The following PTPRN2 variants were observed in gnomAD, a reference collection of about 807,000 sequenced individuals.
The protein encoded by PTPRN2 is protein tyrosine phosphatase receptor type N2.
PTPRN2 carries 74 observed loss-of-function variants against 118.8 expected under a neutral mutation model. The observed-to-expected ratio is 0.62, with a 90% CI of 0.52 to 0.76. The LOEUF is 0.76. Ranked by LOEUF, PTPRN2 falls within the 30% of genes least tolerant of loss-of-function variation. The pLI, the probability that PTPRN2 is intolerant of heterozygous loss-of-function variation, is 0.00. For missense variants in PTPRN2, 1,481 were observed against 1,394.4 expected (o/e 1.06, Z -0.99); for synonymous variants, 641 against 608.0 (o/e 1.05, Z -0.80).
At chr7:158,149,838 C>G (rs1370463381) in intron 6 of PTPRN2, among the ~76,000 whole-genome samples, 3 of 151,066 alleles carry the variant, frequency 2.0e-5, no homozygotes, top group African/African-American at 7.3e-5. Flanking sequence ...AGTGATGTCT[C>G]TTGAAAAAAC....
chr7:158,111,843 C>A (rs1816305666), intron 9 of PTPRN2, among the ~76,000 whole-genome samples: 1 of 152,138 alleles, frequency 6.6e-6, no homozygotes, highest in Admixed American at 6.5e-5. Context: ...AATCCTAAAA[C>A]CCAAATAATG....
chr7:158,532,758 T>G (rs769523925), intron 1 of PTPRN2: 1 of 534,662 alleles, frequency 1.9e-6, no homozygotes, highest in African/African-American at 1.9e-5. Flanking sequence ...CACTTCAACC[T>G]GTTCCTTACA....
intron 11 of PTPRN2, among the ~76,000 whole-genome samples, chr7:157,922,957 C>G (rs1798769877): frequency 6.6e-6 from 1 of 152,250 alleles, no homozygotes; most frequent in Non-Finnish European, 1.5e-5. Flanking sequence ...CTTCCACTGT[C>G]TCCTACCACT....
chr7:157,608,748 G>A (rs548652727), intron 15 of PTPRN2, among the ~76,000 whole-genome samples: 7 of 152,158 alleles, frequency 4.6e-5, no homozygotes, highest in East Asian at 1.9e-4. Context: ...AGGCCCACGC[G>A]CAATCAGCCC....
intron 12 of PTPRN2, among the ~76,000 whole-genome samples, chr7:157,736,306 C>A (rs1476577714): frequency 6.6e-6 from 1 of 152,168 alleles, no homozygotes; most frequent in Non-Finnish European, 1.5e-5. Flanking sequence ...TGAATTGTGA[C>A]CCCCCAAATC....
intron 3 of PTPRN2, among the ~76,000 whole-genome samples, chr7:158,286,587 T>A (rs1249032623): frequency 1.8e-4 from 27 of 152,210 alleles, no homozygotes; most frequent in Admixed American, 1.8e-3. Context: ...TTTTGTTGTA[T>A]GTTTTTTATA....
rs78489297 is a variant in PTPRN2 at position 158,479,859 on chromosome 7, G to A, written c.163+9876C>T. Among the ~76,000 whole-genome samples, 727 of 152,372 alleles carry A rather than the reference G, an allele frequency of 4.8e-3. 5 individuals are homozygous for A. The highest frequency in any genetic ancestry group is 0.016 in the African/African-American group (682 of 41,598). The stretch of plus-strand genomic sequence containing the variant: ...GGCGGGCGCAAGCCAGCTCTGCGGC[G>A]CAGTGGGCGTCATCCTCGCTGCTGT... On this transcript the variant is annotated intron_variant, in intron 2 of 22. Transcript: ENST00000389418.
intron 12 of PTPRN2, among the ~76,000 whole-genome samples, chr7:157,695,105 G>A (rs1026322792): frequency 6.6e-6 from 1 of 151,996 alleles, no homozygotes; most frequent in African/African-American, 2.4e-5. Context: ...CTAATGTTCT[G>A]TGATAAGAAT....
At chr7:158,457,315 G>A (rs115039569) in intron 2 of PTPRN2, among the ~76,000 whole-genome samples, 1,836 of 152,196 alleles carry the variant, frequency 0.012, 30 homozygotes, top group African/African-American at 0.041. Flanking sequence ...AGAAGAAACC[G>A]TGTCCCTCCC....
In PTPRN2 at chr7:157,801,428, C is replaced by T. The variant is rs1805295700; in HGVS notation, c.1788+97245G>A. Among the ~76,000 whole-genome samples, 1 of 151,996 alleles carries T rather than the reference C, an allele frequency of 6.6e-6. No individual in the cohort carries two copies. Among genetic ancestry groups the T allele is most frequent in the Non-Finnish European group, 1.5e-5 (1 of 68,012 alleles). The stretch of plus-strand genomic sequence containing the variant: ...TGCATCACGAGAGTGCTGCGTTAAC[C>T]CAGGTGCGGGGGATATTATCCTCCC... On this transcript the variant is annotated intron_variant, in intron 12 of 22. Coordinates refer to ENST00000389418, the MANE Select transcript of PTPRN2 (RefSeq NM_002847.5). This position sits in a 1 kb window ranked among gnomAD's most constrained non-coding sequence, Gnocchi z 4.2.
In PTPRN2 at chr7:157,780,203, G is replaced by A. The variant is rs529429964; in HGVS notation, c.1789-97266C>T. On this transcript the variant is annotated intron_variant, in intron 12 of 22. Transcript: ENST00000389418. The surrounding 1 kb of genome is among the most constrained non-coding windows in gnomAD (Gnocchi z 4.5). ...AGCCTCTGGGCCGTGTGTCCTCCTG[G>A]TCTACCTCCAGCACAAGGACGTTCC... is the stretch of plus-strand genomic sequence containing the variant. Among the ~76,000 whole-genome samples, 104 of 152,232 alleles carry A rather than the reference G, an allele frequency of 6.8e-4. No homozygotes were observed. The highest frequency in any genetic ancestry group is 2.4e-3 in the African/African-American group (99 of 41,536).
chr7:158,262,497 G>A, intron 3 of PTPRN2, among the ~76,000 whole-genome samples: 1 of 51,498 alleles, frequency 1.9e-5, no homozygotes, highest in East Asian at 5.9e-4. Flanking sequence ...ACACATACAT[G>A]CACACACACT....
chr7:158,313,280 T>C (rs1478969543), intron 3 of PTPRN2, among the ~76,000 whole-genome samples: 1 of 152,044 alleles, frequency 6.6e-6, no homozygotes, highest in East Asian at 1.9e-4. Context: ...TGCCACGGGG[T>C]CATCCCCAGG....
chr7:157,842,750 C>G (rs1405210647), intron 12 of PTPRN2, among the ~76,000 whole-genome samples: 1 of 152,192 alleles, frequency 6.6e-6, no homozygotes, highest in Admixed American at 6.5e-5. Flanking sequence ...CGCCACAGTG[C>G]ACACCCAGCC....
intron 16 of PTPRN2, among the ~76,000 whole-genome samples, chr7:157,600,505 C>T (rs181813932): frequency 3.9e-5 from 6 of 152,320 alleles, no homozygotes; most frequent in East Asian, 3.9e-4. Context: ...ACTGCAACCT[C>T]TCCCTCCTGG....
At chr7:158,272,448 T>A (rs1798576158) in intron 3 of PTPRN2, among the ~76,000 whole-genome samples, 1 of 152,196 alleles carries the variant, frequency 6.6e-6, no homozygotes, top group East Asian at 1.9e-4. Flanking sequence ...ATACCTTCAA[T>A]TAGAGTCCTG....
chr7:157,962,302 T>A (rs1043097556), intron 11 of PTPRN2, among the ~76,000 whole-genome samples: 1 of 152,128 alleles, frequency 6.6e-6, no homozygotes, highest in Admixed American at 6.5e-5. Flanking sequence ...CGAATGTGAA[T>A]GGCCACACTT....
At chr7:157,778,450 CA>C (rs1162206293) in intron 12 of PTPRN2, among the ~76,000 whole-genome samples, 26 of 151,302 alleles carry the variant, frequency 1.7e-4, no homozygotes, top group African/African-American at 2.7e-4. Flanking sequence ...AACATGTACA[CA>C]GGTGAATGAA....
intron 14 of PTPRN2, among the ~76,000 whole-genome samples, chr7:157,645,082 G>A (rs1039660490): frequency 2.0e-5 from 3 of 152,312 alleles, no homozygotes; most frequent in African/African-American, 2.4e-5. Context: ...CGGAGGAGAC[G>A]AACAGGAGCA....
Sources: allele counts gnomAD v4.1 joint callset (sites outside exome capture counted in the v4.1 genomes callset), GRCh38; gene constraint gnomAD v4.1.1; non-coding constraint Gnocchi (gnomAD v3.1); transcripts MANE v1.5; gene names NCBI Gene and HGNC (gene_info 2026-07-23, HGNC 2026-07-21).